CNBD1: variants seen among roughly 807,000 people sequenced by gnomAD.
CNBD1 encodes cyclic nucleotide-binding domain-containing protein 1.
In CNBD1, 71 loss-of-function variants were observed where a neutral mutation model predicts 54.4. The observed-to-expected ratio is 1.30, with a 90% CI of 1.08 to 1.59. CNBD1 has a LOEUF of 1.59. CNBD1 is among the 40% of genes most tolerant of loss of function. CNBD1 has a pLI of 0.00. For missense variants in CNBD1, 659 were observed against 518.0 expected (o/e 1.27, Z -2.64); for synonymous variants, 182 against 170.7 (o/e 1.07, Z -0.51).
At chr8:87,053,803 T>C (rs1810359443) in intron 4 of CNBD1, among the ~76,000 whole-genome samples, 1 of 152,214 alleles carries the variant, frequency 6.6e-6, no homozygotes, top group African/African-American at 2.4e-5. Context: ...AGCCCCCTAA[T>C]GGAGGGAATG....
Position 87,041,726 on chromosome 8 carries a change from G to T in CNBD1, c.431+101972G>T, listed in dbSNP as rs919134637. Among the ~76,000 whole-genome samples, 3 of 152,152 alleles carry T rather than the reference G, an allele frequency of 2.0e-5. No individual in the cohort carries two copies. In the East Asian group the frequency reaches 5.8e-4, roughly 29 times the overall value. On this transcript the variant is annotated intron_variant, in intron 4 of 10. Transcript: ENST00000518476. ...AGGCAGGAGAATGGCGTGAACCTGGGAGGCGGAGCTTGCAGTGAGCCAAGA... is the reference window on the plus strand; with the variant it reads ...AGGCAGGAGAATGGCGTGAACCTGGTAGGCGGAGCTTGCAGTGAGCCAAGA...
At chr8:87,189,284 C>G (rs1813548568) in intron 4 of CNBD1, among the ~76,000 whole-genome samples, 1 of 152,082 alleles carries the variant, frequency 6.6e-6, no homozygotes. Flanking sequence ...AGGAAGTGCT[C>G]TTTGATGAAG....
At position 87,302,858 on chromosome 8, in the gene CNBD1, C is replaced by A. The variant is rs550265587; in HGVS notation, c.1042+16187C>A. ...ACACCAGCAACAGACAAACAGAGAGCCAAATCATGAGTAAACTCCCAATCA... is the reference window on the plus strand; with the variant it reads ...ACACCAGCAACAGACAAACAGAGAGACAAATCATGAGTAAACTCCCAATCA... On this transcript the variant is annotated intron_variant, in intron 8 of 10. Coordinates refer to ENST00000518476, the MANE Select transcript of CNBD1 (RefSeq NM_173538.3). Among the ~76,000 whole-genome samples the A allele has an allele frequency of 1.1e-4, 17 of 152,056 alleles. No individual in the cohort carries two copies. The South Asian group carries it at 3.5e-3, about 32-fold the overall frequency.
intron 8 of CNBD1, among the ~76,000 whole-genome samples, chr8:87,341,332 C>A (rs1449661071): frequency 6.6e-6 from 1 of 152,024 alleles, no homozygotes; most frequent in Non-Finnish European, 1.5e-5. Context: ...AATGTCTGTT[C>A]CTCTGGCAGC....
chr8:87,324,021 G>A (rs1809604051), intron 8 of CNBD1, among the ~76,000 whole-genome samples: 1 of 127,972 alleles, frequency 7.8e-6, no homozygotes, highest in Non-Finnish European at 1.7e-5. Context: ...AAGGGTTGTT[G>A]AATTTTGTCA....
chr8:87,378,076 G>A (rs894997933), intron 10 of CNBD1, among the ~76,000 whole-genome samples: 2 of 143,126 alleles, frequency 1.4e-5, no homozygotes, highest in Admixed American at 7.1e-5. Context: ...TGAGTAGGTT[G>A]CGAAAATTTT....
chr8:86,903,734 G>T lies in CNBD1; in HGVS notation c.159-1347G>T, dbSNP rs372568993. On this transcript the variant is annotated intron_variant, in intron 2 of 10. Coordinates refer to ENST00000518476, the MANE Select transcript of CNBD1 (RefSeq NM_173538.3). ...TATCTCAAATAAAGTATATTGTCAG[G>T]TTATATAAATGTGCAATAATACAAA... is the stretch of plus-strand genomic sequence containing the variant. Among the ~76,000 whole-genome samples, 125 of 152,052 alleles carry T rather than the reference G, an allele frequency of 8.2e-4. 1 individual carries two copies. Among genetic ancestry groups the T allele is most frequent in the African/African-American group, 2.9e-3 (122 of 41,512 alleles).
intron 8 of CNBD1, among the ~76,000 whole-genome samples, chr8:87,322,032 C>T (rs1809548036): frequency 7.1e-6 from 1 of 141,720 alleles, no homozygotes; most frequent in Non-Finnish European, 1.5e-5. Flanking sequence ...CAATTCCCAC[C>T]TATGAGTGAG....
intron 4 of CNBD1, among the ~76,000 whole-genome samples, chr8:87,055,999 A>G (rs969073144): frequency 6.6e-6 from 1 of 151,460 alleles, no homozygotes; most frequent in African/African-American, 2.4e-5. Flanking sequence ...ACTATAGGTA[A>G]TATTTGTGGA....
At chr8:86,949,795 ATCT>A (rs1309977423) in intron 4 of CNBD1, among the ~76,000 whole-genome samples, 3 of 151,574 alleles carry the variant, frequency 2.0e-5, no homozygotes, top group Admixed American at 1.3e-4. Context: ...CATGTTCCAG[ATCT>A]TAGAGAAAAA....
intron 9 of CNBD1, among the ~76,000 whole-genome samples, chr8:87,352,178 G>A (rs987340862): frequency 6.6e-6 from 1 of 152,000 alleles, no homozygotes; most frequent in African/African-American, 2.4e-5. Flanking sequence ...ATGTCTACAC[G>A]AAGACTTATA....
At chr8:87,299,237 G>T (rs982451580) in intron 8 of CNBD1, among the ~76,000 whole-genome samples, 2 of 152,020 alleles carry the variant, frequency 1.3e-5, no homozygotes, top group Non-Finnish European at 2.9e-5. Context: ...GCTTTTGAGA[G>T]TCTCAGGATT....
intron 8 of CNBD1, among the ~76,000 whole-genome samples, chr8:87,348,256 C>G (rs139243379): frequency 3.4e-4 from 52 of 152,138 alleles, no homozygotes; most frequent in African/African-American, 1.2e-3. Context: ...GCTATAAATG[C>G]TATCTATATT....
intron 6 of CNBD1, among the ~76,000 whole-genome samples, chr8:87,244,053 C>G (rs1030562759): frequency 1.3e-5 from 2 of 152,092 alleles, no homozygotes; most frequent in Non-Finnish European, 2.9e-5. Flanking sequence ...CACCCATGAA[C>G]AGCCTCAGGT....
intron 4 of CNBD1, among the ~76,000 whole-genome samples, chr8:87,020,769 C>G (rs1375387440): frequency 6.6e-6 from 1 of 152,192 alleles, no homozygotes; most frequent in Non-Finnish European, 1.5e-5. Context: ...TATAGAGAAT[C>G]CCCTTGCCCC....
At chr8:87,215,058 C>A (rs1466381339) in intron 5 of CNBD1, among the ~76,000 whole-genome samples, 1 of 152,004 alleles carries the variant, frequency 6.6e-6, no homozygotes, top group Non-Finnish European at 1.5e-5. Context: ...TTCACAGTAG[C>A]CATTATGTGG....
At chr8:87,016,767 T>G (rs1683014360) in intron 4 of CNBD1, among the ~76,000 whole-genome samples, 1 of 152,186 alleles carries the variant, frequency 6.6e-6, no homozygotes, top group Admixed American at 6.5e-5. Flanking sequence ...AAGCTATTCC[T>G]AAAAAAGCAA....
At chr8:87,426,502 G>A (rs927919773) in intron 2 of CNBD1, among the ~76,000 whole-genome samples, 1 of 152,158 alleles carries the variant, frequency 6.6e-6, no homozygotes, top group Admixed American at 6.5e-5. Context: ...GCACAATTCT[G>A]TGTTGTGCTT....
intron 4 of CNBD1, among the ~76,000 whole-genome samples, chr8:86,942,216 A>G (rs186783909): frequency 2.6e-4 from 40 of 152,266 alleles, no homozygotes; most frequent in African/African-American, 9.4e-4. Context: ...TAAATCCACA[A>G]TCTATGTTTG....
Sources: allele counts gnomAD v4.1 joint callset (sites outside exome capture counted in the v4.1 genomes callset), GRCh38; gene constraint gnomAD v4.1.1; transcripts MANE v1.5; gene names NCBI Gene and HGNC (gene_info 2026-07-23, HGNC 2026-07-21).